The following DOP1B variants were observed in gnomAD, a reference collection of about 807,000 sequenced individuals.
DOP1B encodes the protein protein DOP1B.
In DOP1B, 174 loss-of-function variants were observed where a neutral mutation model predicts 233.5. The ratio of observed to expected loss-of-function variants is 0.75; its 90% CI spans 0.66 to 0.85. The LOEUF (loss-of-function observed/expected upper bound fraction) is 0.85. Ranked by LOEUF, DOP1B falls within the 40% of genes least tolerant of loss-of-function variation. The pLI is 0.00. For synonymous variants in DOP1B, 1,190 were observed against 1,185.6 expected (o/e 1.00, Z -0.08); for missense variants, 2,652 against 2,846.6 (o/e 0.93, Z 1.56).
intron 1 of DOP1B, among the ~76,000 whole-genome samples, chr21:36,161,094 A>C (rs2065864850): frequency 6.6e-6 from 1 of 151,878 alleles, no homozygotes; most frequent in Non-Finnish European, 1.5e-5. Flanking sequence ...TGGGAGAAGG[A>C]GCATGTTGAG....
At chr21:36,238,466 T>C (rs1479391113) in intron 16 of DOP1B, 135 bp from the exon 17 acceptor site, 27 of 692,914 alleles carry the variant, frequency 3.9e-5, no homozygotes, top group Middle Eastern at 4.8e-4. Flanking sequence ...CAAAGGAGAA[T>C]GCAGCGTCTT....
chr21:36,200,611 A>G (rs2066352679), intron 4 of DOP1B, 110 bp downstream of exon 4: 1 of 1,323,078 alleles, frequency 7.6e-7, no homozygotes, highest in Non-Finnish European at 1.0e-6. Context: ...TGGAAGGCCA[A>G]GGTGGGTGGA....
intron 27 of DOP1B, among the ~76,000 whole-genome samples, chr21:36,275,377 A>G (rs930022337): frequency 5.3e-5 from 8 of 152,134 alleles, no homozygotes; most frequent in Admixed American, 5.2e-4. Flanking sequence ...CTGTAATCCC[A>G]GCACTTTGGG....
chr21:36,160,271 GA>G, intron 1 of DOP1B, among the ~76,000 whole-genome samples: 1 of 152,122 alleles, frequency 6.6e-6, no homozygotes, highest in East Asian at 1.9e-4. Flanking sequence ...AGTTATTTCA[GA>G]AAAAGGGACA....
intron 10 of DOP1B, among the ~76,000 whole-genome samples, chr21:36,221,267 C>T (rs184405889): frequency 5.3e-5 from 8 of 152,060 alleles, no homozygotes; most frequent in Admixed American, 2.6e-4. Flanking sequence ...CCAAGGCAGG[C>T]GGATCACTTG....
rs554636912 is a variant in DOP1B, at chr21:36,186,380, AGT to A, written c.139-12684_139-12683del. On this transcript the variant is annotated intron_variant, in intron 2 of 36. Coordinates refer to ENST00000691173, the MANE Select transcript of DOP1B (RefSeq NM_001320714.2). ...ATATGTATGCAGTGTGTATGTGTGGAGTGTGTGCATGTGTGTACATGTATGCA... is the reference window on the plus strand; with the variant it reads ...ATATGTATGCAGTGTGTATGTGTGGAGTGTGCATGTGTGTACATGTATGCA... Among the ~76,000 whole-genome samples, 27 of 151,710 alleles carry A rather than the reference AGT, an allele frequency of 1.8e-4. 1 individual carries two copies. In the East Asian group the frequency reaches 2.9e-3, roughly 16 times the overall value.
intron 21 of DOP1B, among the ~76,000 whole-genome samples, 193 bp downstream of exon 21, chr21:36,248,761 G>C (rs1387503440): frequency 2.0e-5 from 3 of 152,162 alleles, no homozygotes; most frequent in African/African-American, 7.2e-5. Context: ...AGTCTGAGTG[G>C]TTTCAGCCTG....
chr21:36,208,524 AGT>A (rs762506640), intron 4 of DOP1B, among the ~76,000 whole-genome samples, 189 bp from the exon 5 acceptor site: 34 of 152,214 alleles, frequency 2.2e-4, no homozygotes, highest in Non-Finnish European at 3.8e-4. Context: ...ATCCAGGGTC[AGT>A]GTGACAGCCA....
At chr21:36,158,987 C>T (rs1222772148) in intron 1 of DOP1B, among the ~76,000 whole-genome samples, 3 of 150,898 alleles carry the variant, frequency 2.0e-5, no homozygotes, top group Non-Finnish European at 4.4e-5. Context: ...AAAAAATTAG[C>T]CAGGCATTGT....
chr21:36,180,585 A>AG (rs2066086215), intron 2 of DOP1B, among the ~76,000 whole-genome samples: 2 of 99,416 alleles, frequency 2.0e-5, no homozygotes, highest in African/African-American at 9.4e-5. Context: ...TCTCAAAAAA[A>AG]GAAAAAAAAT....
intron 2 of DOP1B, among the ~76,000 whole-genome samples, chr21:36,197,170 G>A (rs2066300770): frequency 6.6e-6 from 1 of 152,054 alleles, no homozygotes; most frequent in Non-Finnish European, 1.5e-5. Flanking sequence ...CTGACCTTGT[G>A]ATCCACCCAC....
chr21:36,206,816 CAAT>C (rs1354530172), intron 4 of DOP1B, among the ~76,000 whole-genome samples: 4 of 152,234 alleles, frequency 2.6e-5, no homozygotes, highest in African/African-American at 9.6e-5. Context: ...GAAGACCAAT[CAAT>C]AACCTCAGCC....
At chr21:36,258,238 T>C (rs773739721) in intron 23 of DOP1B, among the ~76,000 whole-genome samples, 7 of 151,944 alleles carry the variant, frequency 4.6e-5, no homozygotes, top group Non-Finnish European at 1.0e-4. Context: ...AGTAAAACCT[T>C]GACTCTAAAA....
rs1190554582 is a variant in DOP1B, at chr21:36,248,482, C to T, written c.4912C>T (p.Leu1638Phe). The change falls in exon 21 of 37, where the codon CTC becomes TTC. Residue 1638 changes from leucine to phenylalanine, a missense_variant. By Grantham distance (22) the Leu-to-Phe change is conservative. Coordinates refer to ENST00000691173, the MANE Select transcript of DOP1B (RefSeq NM_001320714.2). ...VNTMALLWNV[L>F]RKEETQKRPV... ...CACCATGGCCCTTCTCTGGAATGTT[C>T]TCAGAAAGGAGGAGACTCAAAAGAG... 1.2e-6 allele frequency: 2 copies of T among 1,614,060 alleles called. No homozygotes were observed. The highest frequency in any genetic ancestry group is 1.3e-5 in the African/African-American group (1 of 74,934).
intron 18 of DOP1B, among the ~76,000 whole-genome samples, chr21:36,241,632 C>T (rs1001362094): frequency 6.7e-6 from 1 of 149,224 alleles, no homozygotes; most frequent in African/African-American, 2.5e-5. Flanking sequence ...CCTCAGCCTC[C>T]TGAGTAGCTG....
chr21:36,184,373 C>A (rs2300402), intron 2 of DOP1B, among the ~76,000 whole-genome samples: 24,729 of 151,876 alleles, frequency 0.16, 2,189 homozygotes, highest in African/African-American at 0.23. Context: ...TTAGTAGAGG[C>A]GGGTTTCGCT....
chr21:36,251,012 T>A, intron 21 of DOP1B, 150 bp from the exon 22 acceptor site: 2 of 1,073,012 alleles, frequency 1.9e-6, no homozygotes. Flanking sequence ...ATTGCTGGGA[T>A]CCACCCATCA....
chr21:36,218,289 T>C (rs1268205813), intron 9 of DOP1B, among the ~76,000 whole-genome samples: 1 of 152,184 alleles, frequency 6.6e-6, no homozygotes, highest in East Asian at 1.9e-4. Context: ...CCCAGCACTT[T>C]GGGAGGCCGA....
At chr21:36,189,382 A>G (rs1601396307) in intron 2 of DOP1B, among the ~76,000 whole-genome samples, 1 of 152,340 alleles carries the variant, frequency 6.6e-6, no homozygotes, top group African/African-American at 2.4e-5. Context: ...AATAAATAAG[A>G]AAGTTTAATT....
Sources: allele counts gnomAD v4.1 joint callset (sites outside exome capture counted in the v4.1 genomes callset), GRCh38; gene constraint gnomAD v4.1.1; transcripts MANE v1.5; gene names NCBI Gene and HGNC (gene_info 2026-07-23, HGNC 2026-07-21).